Variants in SAMD12 observed in about 807,000 individuals in gnomAD.
SAMD12 encodes the protein sterile alpha motif domain-containing protein 12.
SAMD12 carries 9 observed loss-of-function variants against 15.0 expected under a neutral mutation model. The ratio of observed to expected loss-of-function variants is 0.60; its 90% CI spans 0.36 to 1.05. The LOEUF (loss-of-function observed/expected upper bound fraction) is 1.05, where lower values mean the gene tolerates loss of function less well. Among genes scored for constraint, SAMD12 ranks in the 50% least tolerant of loss-of-function variants. The probability of loss-of-function intolerance (pLI) is 0.01; values close to 1 mark genes in which losing one functional copy is unlikely to be tolerated. For synonymous variants in SAMD12, 86 were observed against 90.1 expected, an observed-to-expected ratio of 0.96 and a Z score of 0.25; for missense variants, 230 against 234.2, an observed-to-expected ratio of 0.98 and a Z score of 0.12.
At chr8:118,587,542 A>G (rs2131272145) in intron 1 of SAMD12, among the ~76,000 whole-genome samples, 1 of 152,344 alleles carries the variant, frequency 6.6e-6, no homozygotes, top group Middle Eastern at 3.4e-3. Flanking sequence ...TAGGGCACAT[A>G]AGCAGAAGTT....
chr8:118,549,883 A>G (rs1826268244), intron 2 of SAMD12, among the ~76,000 whole-genome samples: 1 of 152,256 alleles, frequency 6.6e-6, no homozygotes, highest in Non-Finnish European at 1.5e-5. Flanking sequence ...TGAAGAATGC[A>G]GAAGCCTCAG....
chr8:118,272,928 C>G (rs1305154174), intron 4 of SAMD12, among the ~76,000 whole-genome samples: 1 of 152,222 alleles, frequency 6.6e-6, no homozygotes, highest in East Asian at 1.9e-4. Flanking sequence ...CAAATGTTCA[C>G]ACATTTTCCT....
chr8:118,274,904 A>C (rs1435940353), intron 4 of SAMD12, among the ~76,000 whole-genome samples: 1 of 152,166 alleles, frequency 6.6e-6, no homozygotes, highest in South Asian at 2.1e-4. Context: ...TGAAAGTCAA[A>C]GTTGCTATGA....
intron 1 of SAMD12, among the ~76,000 whole-genome samples, chr8:118,587,811 A>C (rs1031095278): frequency 6.6e-6 from 1 of 152,228 alleles, no homozygotes; most frequent in Admixed American, 6.5e-5. Flanking sequence ...TTCTCTGCTT[A>C]TTAAGCCATG....
intron 2 of SAMD12, among the ~76,000 whole-genome samples, chr8:118,533,699 CTTCT>C (rs1191609526): frequency 6.6e-6 from 1 of 151,776 alleles, no homozygotes; most frequent in African/African-American, 2.4e-5. Context: ...ATGTAATGAC[CTTCT>C]TTGTCTCTTT....
chr8:118,502,496 T>A (rs1290910335), intron 2 of SAMD12, among the ~76,000 whole-genome samples: 2 of 152,234 alleles, frequency 1.3e-5, no homozygotes. Flanking sequence ...GGTTAGGTGT[T>A]AATGAAATAG....
chr8:118,571,531 G>A (rs1250075277), intron 2 of SAMD12, among the ~76,000 whole-genome samples: 3 of 152,214 alleles, frequency 2.0e-5, no homozygotes, highest in Non-Finnish European at 4.4e-5. Context: ...CAGGCCTGGA[G>A]TAGGCTGTAT....
At chr8:118,565,061 G>A (rs1287354133) in intron 2 of SAMD12, among the ~76,000 whole-genome samples, 1 of 152,162 alleles carries the variant, frequency 6.6e-6, no homozygotes, top group Non-Finnish European at 1.5e-5. Flanking sequence ...AACCCAGGAG[G>A]GGAGGGGAAG....
chr8:118,492,880 G>C (rs960705434), intron 2 of SAMD12, among the ~76,000 whole-genome samples: 5 of 152,082 alleles, frequency 3.3e-5, no homozygotes, highest in African/African-American at 9.7e-5. Flanking sequence ...TGTATTAAAA[G>C]CCAGAAAAAG....
At chr8:118,258,616 CT>C (rs1294561450) in intron 4 of SAMD12, among the ~76,000 whole-genome samples, 5 of 152,192 alleles carry the variant, frequency 3.3e-5, no homozygotes, top group African/African-American at 7.2e-5. Flanking sequence ...ATTACCCCCC[CT>C]CATATGATTT....
At chr8:118,435,102 CAA>C (rs746295945) in intron 3 of SAMD12, among the ~76,000 whole-genome samples, 2 of 120,246 alleles carry the variant, frequency 1.7e-5, no homozygotes, top group African/African-American at 3.5e-5. Context: ...GACTCCATCT[CAA>C]AAAAAAAAAA....
chr8:118,387,276 T>C (rs1344725209), intron 3 of SAMD12, among the ~76,000 whole-genome samples: 1 of 152,088 alleles, frequency 6.6e-6, no homozygotes, highest in Non-Finnish European at 1.5e-5. Context: ...AAGCACAATC[T>C]GAGTCTTAGT....
At chr8:118,295,235 T>C (rs1814642718) in intron 4 of SAMD12, among the ~76,000 whole-genome samples, 1 of 152,200 alleles carries the variant, frequency 6.6e-6, no homozygotes, top group African/African-American at 2.4e-5. Flanking sequence ...TTGTTTGAGC[T>C]GCAAATTATT....
rs114826639 is a variant in SAMD12, at chr8:118,339,434, G to A, written c.433+40126C>T. ...ATAGAAAGAAAAAAGACAATTCCTCGAAATGCATGGGGATGGTAGGTGGAA... is the reference window on the plus strand; with the variant it reads ...ATAGAAAGAAAAAAGACAATTCCTCAAAATGCATGGGGATGGTAGGTGGAA... On this transcript the variant is annotated intron_variant, in intron 4 of 4. Coordinates refer to the SAMD12 transcript ENST00000409003. Among the ~76,000 whole-genome samples, 983 of 152,252 alleles carry A rather than the reference G, an allele frequency of 6.5e-3. 12 individuals are homozygous for A. Among genetic ancestry groups the A allele is most frequent in the African/African-American group, 0.023 (953 of 41,552 alleles).
chr8:118,385,734 A>T (rs1283742955), intron 3 of SAMD12, among the ~76,000 whole-genome samples: 2 of 152,204 alleles, frequency 1.3e-5, no homozygotes, highest in African/African-American at 4.8e-5. Context: ...ATAAGTATTT[A>T]CTGAGCACAT....
intron 2 of SAMD12, among the ~76,000 whole-genome samples, chr8:118,491,180 A>T (rs1824432153): frequency 1.3e-5 from 2 of 152,310 alleles, no homozygotes; most frequent in East Asian, 3.9e-4. Flanking sequence ...CTCCTTGAAG[A>T]AACTGAGTTC....
intron 4 of SAMD12, among the ~76,000 whole-genome samples, chr8:118,293,699 C>T (rs972903504): frequency 3.9e-4 from 60 of 152,180 alleles, no homozygotes; most frequent in Non-Finnish European, 6.6e-4. Flanking sequence ...AATGCCAATA[C>T]CCCCAATGTA....
At chr8:118,315,376 C>T (rs1368894304) in intron 4 of SAMD12, among the ~76,000 whole-genome samples, 3 of 152,194 alleles carry the variant, frequency 2.0e-5, no homozygotes, top group East Asian at 3.9e-4. Flanking sequence ...TAGGCAATTA[C>T]CCTAATTTGC....
chr8:118,475,168 G>A (rs191074152), intron 2 of SAMD12, among the ~76,000 whole-genome samples: 2,631 of 152,266 alleles, frequency 0.017, 91 homozygotes, highest in African/African-American at 0.06. Context: ...GACCCTGGGA[G>A]GTGGAGGTTG....
Sources: allele counts gnomAD v4.1 joint callset (sites outside exome capture counted in the v4.1 genomes callset), GRCh38; gene constraint gnomAD v4.1.1; transcripts MANE v1.5; gene names NCBI Gene and HGNC (gene_info 2026-07-23, HGNC 2026-07-21).